The following FARP1 variants were observed in gnomAD, a reference collection of about 807,000 sequenced individuals.
FARP1 encodes the protein FERM, ARHGEF and pleckstrin domain-containing protein 1.
A neutral mutation model predicts 128.8 loss-of-function variants in FARP1; 52 were observed. The observed-to-expected ratio is 0.40, with a 90% CI of 0.32 to 0.51. FARP1 has a LOEUF of 0.51. FARP1 is among the 20% of genes least tolerant of loss of function. FARP1 has a pLI of 0.45. For missense variants in FARP1, 1,333 were observed against 1,367.9 expected (o/e 0.97, Z 0.40); for synonymous variants, 580 against 551.8 (o/e 1.05, Z -0.72).
rs1299633405 is a variant in FARP1, at chr13:98,309,312, G to A, written c.172-34450G>A. 4.0e-5 allele frequency among the ~76,000 whole-genome samples: 6 copies of A among 148,970 alleles called. No individual in the cohort carries two copies. The East Asian group carries it at 1.0e-3, about 25-fold the overall frequency. On this transcript the variant is annotated intron_variant, in intron 2 of 26. Transcript: ENST00000319562. Reference sequence around the variant, plus strand: ...CTCCCGAGTAGCTGGGCCTACAGGCGCCCACCATCACGCCCGGCTATTTTT... The same window carrying A: ...CTCCCGAGTAGCTGGGCCTACAGGCACCCACCATCACGCCCGGCTATTTTT...
At chr13:98,175,164 T>G (rs565175020) in intron 1 of FARP1, among the ~76,000 whole-genome samples, 7 of 152,326 alleles carry the variant, frequency 4.6e-5, no homozygotes, top group Middle Eastern at 3.4e-3. Flanking sequence ...GTTTCAGTCT[T>G]CAAGGAATTC....
At chr13:98,281,293 C>T (rs1210389037) in intron 2 of FARP1, among the ~76,000 whole-genome samples, 1 of 151,928 alleles carries the variant, frequency 6.6e-6, no homozygotes, top group Non-Finnish European at 1.5e-5. Flanking sequence ...GCGGAGGTTG[C>T]AGTGAGCCGG....
In FARP1 at chr13:98,176,160, T is replaced by G. The variant is rs2139180752; in HGVS notation, c.-24+32668T>G. 1.1e-5 allele frequency: 17 copies of G among 1,608,554 alleles called. No homozygotes were observed. The highest frequency in any genetic ancestry group is 1.4e-5 in the Non-Finnish European group (16 of 1,175,310). Reference sequence around the variant, plus strand: ...CCAGTGTACATACAGACTTGAGTCTTTCTTATCTCTTTTTTCCTAAAAGAA... The same window carrying G: ...CCAGTGTACATACAGACTTGAGTCTGTCTTATCTCTTTTTTCCTAAAAGAA... On this transcript the variant is annotated intron_variant, in intron 1 of 26. Transcript: ENST00000319562. The surrounding 1 kb of genome is among the most constrained non-coding windows in gnomAD (Gnocchi z 6.2).
rs534486157 is a variant in FARP1 at position 98,352,227 on chromosome 13, G to A, written c.276+8361G>A. Among the ~76,000 whole-genome samples the A allele has an allele frequency of 1.2e-4, 18 of 152,274 alleles. No individual in the cohort carries two copies. In the South Asian group the frequency reaches 3.5e-3, roughly 30 times the overall value. ...CAGCCCCAAGGCCTGCACGCCATCG[G>A]TGTGTGTTTAGGAAGAAATGAGGAA... On this transcript the variant is annotated intron_variant, in intron 3 of 26. Transcript: ENST00000319562.
chr13:98,422,675 T>G (rs1213536360), intron 16 of FARP1, among the ~76,000 whole-genome samples: 1 of 152,218 alleles, frequency 6.6e-6, no homozygotes, highest in Non-Finnish European at 1.5e-5. Context: ...CTGTTTCTAC[T>G]CACGATGACT....
At chr13:98,347,942 A>C (rs1594429705) in intron 3 of FARP1, among the ~76,000 whole-genome samples, 2 of 152,274 alleles carry the variant, frequency 1.3e-5, no homozygotes, top group African/African-American at 2.4e-5. Context: ...CTAGGCAATA[A>C]GTTGTTGAAT....
chr13:98,391,128 G>C (rs1890288795), intron 11 of FARP1, among the ~76,000 whole-genome samples: 1 of 152,152 alleles, frequency 6.6e-6, no homozygotes, highest in Admixed American at 6.5e-5. Context: ...GGACATACTG[G>C]GGAAGGAGAG....
intron 2 of FARP1, among the ~76,000 whole-genome samples, chr13:98,312,542 C>G: frequency 6.6e-6 from 1 of 152,106 alleles, no homozygotes; most frequent in Non-Finnish European, 1.5e-5. Context: ...TTTATTCTAG[C>G]ATTTCAGTTT....
At chr13:98,143,968 C>A (rs1487607317) in intron 1 of FARP1, among the ~76,000 whole-genome samples, 8 of 152,078 alleles carry the variant, frequency 5.3e-5, no homozygotes, top group Non-Finnish European at 1.2e-4. Flanking sequence ...CGCCCACGCG[C>A]GGCGCGAGGG....
At chr13:98,353,360 C>T (rs1268294357) in intron 3 of FARP1, among the ~76,000 whole-genome samples, 1 of 152,152 alleles carries the variant, frequency 6.6e-6, no homozygotes, top group East Asian at 1.9e-4. Context: ...CTAAGCTGTA[C>T]ATTTGCTTTG....
In FARP1 at chr13:98,348,817, T is replaced by TGGCC. The variant is rs78409822; in HGVS notation, c.276+4953_276+4956dup. ...ACCTGTGCCAGAACAGGGAGTAGCC[T>TGGCC]GGCCGTATTTGGCCCATGTGCCGTA... On this transcript the variant is annotated intron_variant, in intron 3 of 26. Transcript: ENST00000319562. 2.0e-3 allele frequency among the ~76,000 whole-genome samples: 309 copies of TGGCC among 152,378 alleles called. 1 individual carries two copies. Among genetic ancestry groups the TGGCC allele is most frequent in the Non-Finnish European group, 3.7e-3 (252 of 68,034 alleles).
Position 98,451,617 on chromosome 13 carries a change from A to G in FARP1, c.*3300A>G, listed in dbSNP as rs1893196357. 3 of 152,220 alleles carry G rather than the reference A, an allele frequency of 2.0e-5. No homozygotes were observed. The allele number at this position is 152,220 out of a possible 1,614,324, so 9.4% of individuals were successfully genotyped here. On this transcript the variant is annotated 3_prime_UTR_variant, in exon 27 of 27. Coordinates refer to ENST00000319562, the MANE Select transcript of FARP1 (RefSeq NM_005766.4). ...AGCTTAGAGGCCACTAGACCAGCAGATAGCTGAGCTACATCCCCAAGCTCA... is the reference window on the plus strand; with the variant it reads ...AGCTTAGAGGCCACTAGACCAGCAGGTAGCTGAGCTACATCCCCAAGCTCA...
chr13:98,165,679 TAAA>T (rs140355132), intron 1 of FARP1, among the ~76,000 whole-genome samples: 236 of 113,550 alleles, frequency 2.1e-3, no homozygotes, highest in East Asian at 3.3e-3. Context: ...CTCTCATCAT[TAAA>T]AAAAAAAAAA....
chr13:98,372,689 A>G (rs939785431), intron 5 of FARP1, among the ~76,000 whole-genome samples: 1 of 152,196 alleles, frequency 6.6e-6, no homozygotes, highest in Non-Finnish European at 1.5e-5. Context: ...CAAGGCATCA[A>G]ATGGGTGTGA....
At chr13:98,376,759 G>GTTTTT (rs34686053) in intron 5 of FARP1, among the ~76,000 whole-genome samples, 1 of 103,452 alleles carries the variant, frequency 9.7e-6, no homozygotes, top group African/African-American at 3.6e-5. Flanking sequence ...GGTTTTTTGT[G>GTTTTT]TTTTTTTTTT....
At chr13:98,306,396 T>A (rs1805121263) in intron 2 of FARP1, among the ~76,000 whole-genome samples, 1 of 152,232 alleles carries the variant, frequency 6.6e-6, no homozygotes. Flanking sequence ...CATGTTCCAT[T>A]TTGTAGGAAA....
chr13:98,256,962 T>TATATATATATATATATATATATATATAC (rs1883640560), intron 2 of FARP1, among the ~76,000 whole-genome samples: 2 of 113,718 alleles, frequency 1.8e-5, no homozygotes, highest in Non-Finnish European at 3.4e-5. Context: ...TATATATATA[T>TATATATATATATATATATATATATATAC]ATATATATAT....
At chr13:98,153,319 A>G (rs1379198742) in intron 1 of FARP1, among the ~76,000 whole-genome samples, 1 of 10,902 alleles carries the variant, frequency 9.2e-5, no homozygotes, top group African/African-American at 1.4e-4. Context: ...TATAAAATAT[A>G]TAAATAATAT....
At chr13:98,204,224 TTGTC>T (rs1445945217) in intron 1 of FARP1, 5 of 152,246 alleles carry the variant, frequency 3.3e-5, no homozygotes, top group African/African-American at 4.8e-5. Flanking sequence ...ACACTTGTTA[TTGTC>T]TGTCTTTTTT....
Sources: allele counts gnomAD v4.1 joint callset (sites outside exome capture counted in the v4.1 genomes callset), GRCh38; gene constraint gnomAD v4.1.1; non-coding constraint Gnocchi (gnomAD v3.1); transcripts MANE v1.5; gene names NCBI Gene and HGNC (gene_info 2026-07-23, HGNC 2026-07-21).